KCTD1: variants seen among roughly 807,000 people sequenced by gnomAD.
The protein encoded by KCTD1 is BTB/POZ domain-containing protein KCTD1.
A neutral mutation model predicts 66.0 loss-of-function variants in KCTD1; 24 were observed. That is an observed-to-expected ratio of 0.36 (90% confidence interval 0.26 to 0.51). The LOEUF is 0.51. Among genes scored for constraint, KCTD1 ranks in the 20% least tolerant of loss-of-function variants. The pLI, the probability that KCTD1 is intolerant of heterozygous loss-of-function variation, is 0.95. For missense variants in KCTD1, 943 were observed against 1,205.2 expected (o/e 0.78, Z 3.22); for synonymous variants, 511 against 517.2 (o/e 0.99, Z 0.16).
intron 2 of KCTD1, among the ~76,000 whole-genome samples, chr18:26,495,427 G>A (rs564390474): frequency 4.6e-5 from 7 of 152,052 alleles, no homozygotes; most frequent in Admixed American, 6.5e-5. Flanking sequence ...CGAGAATGAC[G>A]CACGCCAAAA....
chr18:26,509,206 G>A (rs1983209336), intron 1 of KCTD1, among the ~76,000 whole-genome samples: 1 of 150,920 alleles, frequency 6.6e-6, no homozygotes, highest in Non-Finnish European at 1.5e-5. Context: ...GATGAGTACT[G>A]TATGCATAAT....
Position 26,546,716 on chromosome 18 carries a change from T to G in KCTD1, c.1809+12A>C. The G allele has an allele frequency of 6.5e-7, 1 of 1,541,586 alleles. No homozygotes were observed. Among genetic ancestry groups the G allele is most frequent in the African/African-American group, 1.4e-5 (1 of 72,728 alleles). On this transcript the variant is annotated intron_variant, in intron 1 of 4. Transcript: ENST00000580059. Reference sequence around the variant, plus strand: ...AAAGAAACATTTCATGCATAGAGTTTGGTTTGGTTACCTGGGTGGGGGAAA... The same window carrying G: ...AAAGAAACATTTCATGCATAGAGTTGGGTTTGGTTACCTGGGTGGGGGAAA...
Position 26,593,753 on chromosome 18 carries a change from G to A in KCTD1, c.-16+35394C>T, listed in dbSNP as rs111713692. Among the ~76,000 whole-genome samples, 43 of 82,602 alleles carry A rather than the reference G, an allele frequency of 5.2e-4. 6 individuals carry two copies. Among genetic ancestry groups the A allele is most frequent in the South Asian group, 1.2e-3 (3 of 2,592 alleles). The allele number at this position is 82,602 out of a possible 152,430, so 54.2% of individuals were successfully genotyped here. On this transcript the variant is annotated intron_variant, in intron 1 of 4. Transcript: ENST00000317932. ...AAAGATGAGGAGGAGGAAGACAAGG[G>A]GCAGGAGGAGAAGGACAAGGAGGGA...
chr18:26,645,549 T>C (rs1191676969), intron 1 of KCTD1, among the ~76,000 whole-genome samples: 1 of 152,122 alleles, frequency 6.6e-6, no homozygotes, highest in African/African-American at 2.4e-5. Context: ...ATTACAAGCA[T>C]GCACCCCATG....
intron 2 of KCTD1, among the ~76,000 whole-genome samples, chr18:26,485,903 G>T (rs952428406): frequency 6.6e-6 from 1 of 151,010 alleles, no homozygotes; most frequent in Non-Finnish European, 1.5e-5. Context: ...CAAGTACTCC[G>T]CTAAAAACTT....
intron 1 of KCTD1, among the ~76,000 whole-genome samples, chr18:26,509,764 A>G (rs1036080840): frequency 2.0e-5 from 3 of 152,236 alleles, no homozygotes; most frequent in Non-Finnish European, 4.4e-5. Context: ...AAAGTCACAT[A>G]TACAGGGCAC....
intron 1 of KCTD1, among the ~76,000 whole-genome samples, chr18:26,523,147 T>C (rs1425317457): frequency 1.3e-5 from 2 of 152,190 alleles, no homozygotes; most frequent in Non-Finnish European, 2.9e-5. Flanking sequence ...CGCTAGATAT[T>C]ACCAAGTGGA....
upstream of KCTD1, among the ~76,000 whole-genome samples, chr18:26,640,880 G>T (rs958092008): frequency 6.6e-6 from 1 of 152,086 alleles, no homozygotes; most frequent in African/African-American, 2.4e-5. Context: ...AGGCATCTGC[G>T]GAGGAAGCTT....
chr18:26,539,113 T>C (rs1984852671), intron 1 of KCTD1, among the ~76,000 whole-genome samples: 1 of 152,214 alleles, frequency 6.6e-6, no homozygotes, highest in Admixed American at 6.5e-5. Flanking sequence ...GAACAGTTGA[T>C]ATGAATTTTG....
chr18:26,556,501 AAAAAG>A lies in KCTD1; in HGVS notation c.-15-55256_-15-55252del, dbSNP rs1443545785. 3.9e-5 allele frequency among the ~76,000 whole-genome samples: 6 copies of A among 152,342 alleles called. No homozygotes were observed. In the East Asian group the frequency reaches 1.2e-3, roughly 29 times the overall value. Reference sequence around the variant, plus strand: ...TCTTTATAGCTCATTCCCTTAAACTAAAAAGCACAAAACAAAAATGTGGTTTATCA... The same window carrying A: ...TCTTTATAGCTCATTCCCTTAAACTACACAAAACAAAAATGTGGTTTATCA... On this transcript the variant is annotated intron_variant, in intron 1 of 4. Coordinates refer to the KCTD1 transcript ENST00000317932.
In KCTD1 at chr18:26,501,269, G is replaced by C. The variant is rs201430370; in HGVS notation, c.1810-19C>G. The C allele has an allele frequency of 6.6e-4, 1,061 of 1,604,234 alleles. 2 individuals carry two copies. The highest frequency in any genetic ancestry group is 8.4e-4 in the Non-Finnish European group (981 of 1,173,012). On this transcript the variant is annotated intron_variant, in intron 1 of 4. Transcript: ENST00000580059. The stretch of plus-strand genomic sequence containing the variant: ...GACTGTCCTACAGAGAGATAAGCAA[G>C]TTTAGATACTTTTTCTCTTTACAGT...
At chr18:26,548,726 G>A (rs913181379), upstream of KCTD1, 4 of 780,862 alleles carry the variant, frequency 5.1e-6, no homozygotes, top group South Asian at 1.3e-4. Flanking sequence ...TGGAGGGGAG[G>A]GGGGAGGGGG....
At chr18:26,633,614 C>G (rs1221805450), upstream of KCTD1, among the ~76,000 whole-genome samples, 1 of 152,004 alleles carries the variant, frequency 6.6e-6, no homozygotes, top group Non-Finnish European at 1.5e-5. Flanking sequence ...ATACTTGTAA[C>G]CCAAACTGCA....
At position 26,600,998 on chromosome 18, in the gene KCTD1, G is replaced by T. The variant is rs190088653; in HGVS notation, c.-16+28149C>A. Reference sequence around the variant, plus strand: ...GATTCTGCATGTCTTGTAAAGAGAGGGGATGTGCATTTGTGTGTGATGTTG... The same window carrying T: ...GATTCTGCATGTCTTGTAAAGAGAGTGGATGTGCATTTGTGTGTGATGTTG... On this transcript the variant is annotated intron_variant, in intron 1 of 4. Coordinates refer to the KCTD1 transcript ENST00000317932. Among the ~76,000 whole-genome samples, 322 of 152,136 alleles carry T rather than the reference G, an allele frequency of 2.1e-3. 1 individual carries two copies. The highest frequency in any genetic ancestry group is 6.7e-3 in the African/African-American group (279 of 41,498).
At chr18:26,595,984 G>T (rs1032210369) in intron 1 of KCTD1, among the ~76,000 whole-genome samples, 1 of 152,154 alleles carries the variant, frequency 6.6e-6, no homozygotes, top group Admixed American at 6.5e-5. Flanking sequence ...GAAGTTCAAG[G>T]CTTTAGTGAA....
chr18:26,636,208 G>A (rs1227212623), intron 1 of KCTD1, among the ~76,000 whole-genome samples: 2 of 152,164 alleles, frequency 1.3e-5, no homozygotes, highest in East Asian at 3.8e-4. Context: ...TCAGAAGAGG[G>A]GGGAGTTTAT....
At chr18:26,461,767 T>C (rs1784005661) in intron 3 of KCTD1, among the ~76,000 whole-genome samples, 1 of 152,246 alleles carries the variant, frequency 6.6e-6, no homozygotes, top group African/African-American at 2.4e-5. Flanking sequence ...CTTTTTATTT[T>C]CTTGTGAGAT....
In KCTD1 at chr18:26,548,484, G is replaced by C. The variant is rs1985386883; in HGVS notation, c.53C>G (p.Ala18Gly). ...GDCNTSAGGS[A>G]SAAAAAAENN... ...CTCGGCGGCGGCGGCGGCAGCGCTG[G>C]CGCTGCCGCCCGCGCTGGTGTTACA... The change falls in exon 1 of 5, where the codon GCC becomes GGC. Residue 18 changes from alanine (A) to glycine (G), a missense_variant. By Grantham distance (60) the Ala-to-Gly change is moderately conservative. Transcript: ENST00000580059. The C allele has an allele frequency of 8.0e-7, 1 of 1,250,254 alleles. No homozygotes were observed. The highest frequency in any genetic ancestry group is 1.0e-6 in the Non-Finnish European group (1 of 1,004,724). The allele number at this position is 1,250,254 out of a possible 1,614,324, so 77.4% of individuals were successfully genotyped here. A position where few individuals can be genotyped will look rare whatever the true frequency, so the allele number is the denominator to read the frequency against.
At chr18:26,519,915 T>C (rs28399357) in intron 1 of KCTD1, among the ~76,000 whole-genome samples, 2,242 of 152,342 alleles carry the variant, frequency 0.015, 63 homozygotes, top group African/African-American at 0.052. Context: ...TTTAAAAATC[T>C]GTAAGAAAGC....
Sources: gnomAD v4.1 joint callset for allele counts (sites outside exome capture counted in the v4.1 genomes callset) on GRCh38, gnomAD v4.1.1 for gene constraint, MANE v1.5 for transcripts, NCBI Gene and HGNC (gene_info 2026-07-23, HGNC 2026-07-21) for gene names.